Variants in ATP13A5 observed in about 807,000 individuals in gnomAD.
ATP13A5 encodes the protein ATPase 13A5.
ATP13A5 carries 149 observed loss-of-function variants against 150.2 expected under a neutral mutation model. That is an observed-to-expected ratio of 0.99 (90% CI 0.87 to 1.14). The LOEUF (loss-of-function observed/expected upper bound fraction) is 1.14. Among genes scored for constraint, ATP13A5 ranks in the 50% most tolerant of loss-of-function variants. The probability of loss-of-function intolerance (pLI) is 0.00; values close to 1 mark genes in which losing one functional copy is unlikely to be tolerated. For missense variants in ATP13A5, 1,383 were observed against 1,449.3 expected (o/e 0.95, Z 0.74); for synonymous variants, 497 against 522.2 (o/e 0.95, Z 0.66).
chr3:193,320,641 A>G (rs200491853), intron 16 of ATP13A5, among the ~76,000 whole-genome samples: 1 of 34,836 alleles, frequency 2.9e-5, no homozygotes, highest in Non-Finnish European at 6.8e-5. Context: ...AGGGGCTAAA[A>G]AAAGACTCCC....
At chr3:193,371,731 C>G (rs1451217422) in intron 1 of ATP13A5, among the ~76,000 whole-genome samples, 1 of 152,214 alleles carries the variant, frequency 6.6e-6, no homozygotes, top group Admixed American at 6.5e-5. Context: ...CATCAGACCT[C>G]TCTCGTGCTT....
intron 19 of ATP13A5, 125 bp downstream of exon 19, chr3:193,313,908 A>G (rs1364528439): frequency 2.6e-6 from 3 of 1,151,050 alleles, no homozygotes; most frequent in Non-Finnish European, 3.6e-6. Context: ...GCAAACTGTC[A>G]AACTCTGGAC....
intron 1 of ATP13A5, 149 bp downstream of exon 1, chr3:193,378,514 A>G (rs1177754816): frequency 1.4e-6 from 1 of 697,508 alleles, no homozygotes; most frequent in African/African-American, 1.8e-5. Flanking sequence ...GGTGCTTTGC[A>G]GCCCTTAAGG....
rs186721276 is a variant in ATP13A5, at chr3:193,364,909, T to C, written c.64-629A>G. On this transcript the variant is annotated intron_variant, in intron 1 of 29. Transcript: ENST00000342358. ...CCTGATAGTAATATGCTAAAATATTTGGACTCTCACTAGTAGGTTAGTCAA... is the reference window on the plus strand; with the variant it reads ...CCTGATAGTAATATGCTAAAATATTCGGACTCTCACTAGTAGGTTAGTCAA... 2.5e-3 allele frequency among the ~76,000 whole-genome samples: 379 copies of C among 152,332 alleles called. 3 individuals are homozygous for C. Among genetic ancestry groups the C allele is most frequent in the African/African-American group, 8.5e-3 (355 of 41,584 alleles).
intron 9 of ATP13A5, among the ~76,000 whole-genome samples, chr3:193,340,469 A>G (rs1394641100): frequency 1.3e-5 from 2 of 152,216 alleles, no homozygotes; most frequent in Non-Finnish European, 2.9e-5. Context: ...GATCTGACCT[A>G]TCAACTGATG....
chr3:193,375,336 C>G (rs1713601714), intron 1 of ATP13A5, among the ~76,000 whole-genome samples: 1 of 152,174 alleles, frequency 6.6e-6, no homozygotes, highest in Admixed American at 6.5e-5. Flanking sequence ...AGCCTGAAGC[C>G]AAATCCCATT....
intron 5 of ATP13A5, among the ~76,000 whole-genome samples, chr3:193,358,882 G>C (rs1228592074): frequency 6.6e-6 from 1 of 152,144 alleles, no homozygotes; most frequent in African/African-American, 2.4e-5. Flanking sequence ...TCCTGCCAGG[G>C]AGATTCTGGA....
Position 193,358,024 on chromosome 3 carries a change from G to A in ATP13A5, c.537-3828C>T, listed in dbSNP as rs1712856419. 2.6e-5 allele frequency among the ~76,000 whole-genome samples: 4 copies of A among 152,126 alleles called. No individual in the cohort carries two copies. The South Asian group carries it at 8.3e-4, about 32-fold the overall frequency. Reference sequence around the variant, plus strand: ...ATTGTTAATAATGTGTCGTGTGGTAGCCATTTTAGGCTCCAGGTGGTAAAG... The same window carrying A: ...ATTGTTAATAATGTGTCGTGTGGTAACCATTTTAGGCTCCAGGTGGTAAAG... On this transcript the variant is annotated intron_variant, in intron 5 of 29. Coordinates refer to ENST00000342358, the MANE Select transcript of ATP13A5 (RefSeq NM_198505.4).
chr3:193,357,111 G>T (rs1286246605), intron 5 of ATP13A5, among the ~76,000 whole-genome samples: 1 of 152,202 alleles, frequency 6.6e-6, no homozygotes, highest in Non-Finnish European at 1.5e-5. Context: ...ACCATGCCCA[G>T]CCCAGAAACA....
Position 193,363,227 on chromosome 3 carries a change from G to A in ATP13A5, c.384+9C>T, listed in dbSNP as rs750332623. The A allele has an allele frequency of 6.8e-6, 11 of 1,611,350 alleles. 1 individual carries two copies. Among genetic ancestry groups the A allele is most frequent in the South Asian group, 3.3e-5 (3 of 90,444 alleles). ...ACATGCATAACACCATACCCTTCAA[G>A]TAACTTACTTTTAATTCTGGCTTTA... On this transcript the variant is annotated intron_variant, in intron 3 of 29. Transcript: ENST00000342358.
intron 9 of ATP13A5, among the ~76,000 whole-genome samples, chr3:193,338,001 A>G (rs1203817140): frequency 6.6e-6 from 1 of 152,136 alleles, no homozygotes; most frequent in Non-Finnish European, 1.5e-5. Context: ...GCAATTGTGA[A>G]TGGGAGTTCA....
At chr3:193,377,035 G>A (rs1406841663) in intron 1 of ATP13A5, among the ~76,000 whole-genome samples, 2 of 152,168 alleles carry the variant, frequency 1.3e-5, no homozygotes, top group African/African-American at 4.8e-5. Context: ...GAAGAAAACT[G>A]GGGCACCTGG....
chr3:193,354,177 T>C lies in ATP13A5; in HGVS notation c.556A>G (p.Asn186Asp), dbSNP rs145589342. The C allele has an allele frequency of 1.6e-5, 26 of 1,612,816 alleles. No individual in the cohort carries two copies. Among genetic ancestry groups the C allele is most frequent in the Non-Finnish European group, 2.2e-5 (26 of 1,179,710 alleles). Residue 186 changes from asparagine (N) to aspartate (D), a missense_variant, in exon 6 of 30, where the codon AAC becomes GAC. Asn to Asp is a conservative substitution (Grantham distance 23). Transcript: ENST00000342358. The stretch of plus-strand genomic sequence containing the variant: ...GGTTGGATTTCAACCTCAATGGCGT[T>C]GGGCCCACACACTAATCTTCTGCGG... The part of the protein sequence containing the change: ...QEVRRLVCGP[N>D]AIEVEIQPIW...
rs57617984 is a variant in ATP13A5, at chr3:193,279,976, TAAAA to T, written c.3227-526_3227-523del. ...CACTCTCTAGCTTCTGTGTCTTTGT[TAAAA>T]AAAAAAAAAAAAAAAAAAAAAAAGC... On this transcript the variant is annotated intron_variant, in intron 27 of 29. Coordinates refer to ENST00000342358, the MANE Select transcript of ATP13A5 (RefSeq NM_198505.4). 7.0e-3 allele frequency among the ~76,000 whole-genome samples: 421 copies of T among 59,896 alleles called. 3 individuals carry two copies. Among genetic ancestry groups the T allele is most frequent in the African/African-American group, 0.013 (170 of 12,816 alleles). The allele number at this position is 59,896 out of a possible 152,430, so 39.3% of individuals were successfully genotyped here. A position where few individuals can be genotyped will look rare whatever the true frequency, so the allele number is the denominator to read the frequency against.
chr3:193,335,259 C>A (rs2108876631), intron 9 of ATP13A5, among the ~76,000 whole-genome samples, 160 bp from the exon 10 acceptor site: 1 of 152,274 alleles, frequency 6.6e-6, no homozygotes. Flanking sequence ...GTGGTACAAG[C>A]AATGGTAGAC....
At chr3:193,361,189 T>C (rs1712993818) in intron 5 of ATP13A5, among the ~76,000 whole-genome samples, 1 of 152,232 alleles carries the variant, frequency 6.6e-6, no homozygotes, top group African/African-American at 2.4e-5. Flanking sequence ...TAAACCAATA[T>C]ATTTTAATAA....
chr3:193,278,096 G>A (rs1717310269), intron 28 of ATP13A5, among the ~76,000 whole-genome samples: 1 of 152,160 alleles, frequency 6.6e-6, no homozygotes, highest in African/African-American at 2.4e-5. Flanking sequence ...GAGCCACCAT[G>A]CCTGACCCTG....
chr3:193,314,596 A>G (rs1408699725), intron 18 of ATP13A5, among the ~76,000 whole-genome samples: 1 of 152,144 alleles, frequency 6.6e-6, no homozygotes, highest in East Asian at 1.9e-4. Context: ...TTTGACGATC[A>G]TACACCATGC....
intron 25 of ATP13A5, among the ~76,000 whole-genome samples, chr3:193,296,070 G>A (rs1015523299): frequency 2.0e-5 from 3 of 152,120 alleles, no homozygotes; most frequent in African/African-American, 7.2e-5. Flanking sequence ...AGAAGCCATG[G>A]AAATTAGCCA....
Sources: gnomAD v4.1 joint callset for allele counts (sites outside exome capture counted in the v4.1 genomes callset) on GRCh38, gnomAD v4.1.1 for gene constraint, MANE v1.5 for transcripts, NCBI Gene and HGNC (gene_info 2026-07-23, HGNC 2026-07-21) for gene names.